COL25A1: variants seen among roughly 807,000 people sequenced by gnomAD.
The protein encoded by COL25A1 is collagen type XXV alpha 1 chain.
Under a neutral mutation model 128.4 loss-of-function variants are expected in COL25A1, and 103 were observed. The ratio of observed to expected loss-of-function variants is 0.80; its 90% CI spans 0.68 to 0.94. COL25A1 has a LOEUF of 0.94. Ranked by LOEUF, COL25A1 falls within the 40% of genes least tolerant of loss-of-function variation. The pLI is 0.00. For missense variants in COL25A1, 745 were observed against 840.0 expected, an observed-to-expected ratio of 0.89 and a Z score of 1.40; for synonymous variants, 279 against 277.2, an observed-to-expected ratio of 1.01 and a Z score of -0.06.
At chr4:108,890,461 G>A (rs1436754359) in intron 16 of COL25A1, among the ~76,000 whole-genome samples, 1 of 152,174 alleles carries the variant, frequency 6.6e-6, no homozygotes, top group African/African-American at 2.4e-5. Flanking sequence ...ATTTCACAGA[G>A]GGTGAATACT....
intron 3 of COL25A1, among the ~76,000 whole-genome samples, chr4:109,116,714 T>C (rs1056614290): frequency 6.6e-6 from 1 of 151,996 alleles, no homozygotes; most frequent in African/African-American, 2.4e-5. Flanking sequence ...CAAACCAGGA[T>C]TTTTTAAACT....
intron 6 of COL25A1, among the ~76,000 whole-genome samples, chr4:109,003,931 C>G (rs555365382): frequency 1.4e-4 from 22 of 152,092 alleles, no homozygotes; most frequent in Non-Finnish European, 2.9e-4. Flanking sequence ...ACATTATTTA[C>G]TTTATTCCCT....
chr4:108,940,937 C>T (rs900444863), intron 9 of COL25A1, among the ~76,000 whole-genome samples: 3 of 152,160 alleles, frequency 2.0e-5, no homozygotes, highest in Non-Finnish European at 4.4e-5. Context: ...TGGTATAAAA[C>T]GTGTGCATTA....
intron 32 of COL25A1, among the ~76,000 whole-genome samples, chr4:108,831,259 T>C (rs952154309): frequency 6.6e-6 from 1 of 152,252 alleles, no homozygotes; most frequent in East Asian, 1.9e-4. Flanking sequence ...TATTATTCAA[T>C]GTACTGAAGC....
At chr4:109,220,108 CAATT>C (rs747248367) in intron 3 of COL25A1, among the ~76,000 whole-genome samples, 7 of 152,130 alleles carry the variant, frequency 4.6e-5, no homozygotes, top group East Asian at 1.9e-4. Flanking sequence ...AGTTCTCAAT[CAATT>C]GAGTCTTTGT....
chr4:109,218,364 T>TTTTG (rs1288984507), intron 3 of COL25A1, among the ~76,000 whole-genome samples: 4 of 130,152 alleles, frequency 3.1e-5, no homozygotes, highest in South Asian at 2.4e-4. Context: ...GGGGTTTTTT[T>TTTTG]TTTTTTTTTT....
chr4:108,899,279 T>C, intron 14 of COL25A1, 99 bp from the exon 15 acceptor site: 1 of 1,081,530 alleles, frequency 9.2e-7, no homozygotes, highest in Non-Finnish European at 1.4e-6. Flanking sequence ...CTAGGTAAAT[T>C]ATGCATGACA....
chr4:108,898,169 G>A (rs1333665825), intron 15 of COL25A1, among the ~76,000 whole-genome samples: 1 of 152,132 alleles, frequency 6.6e-6, no homozygotes, highest in Non-Finnish European at 1.5e-5. Flanking sequence ...TCTTAGTAGG[G>A]AAACTGGCTC....
intron 6 of COL25A1, among the ~76,000 whole-genome samples, chr4:109,010,055 T>C (rs1320851168): frequency 6.6e-6 from 1 of 152,162 alleles, no homozygotes; most frequent in Non-Finnish European, 1.5e-5. Context: ...AACCAGTTCA[T>C]ACTCGACTTT....
chr4:108,846,757 C>T (rs1735158087), intron 27 of COL25A1, among the ~76,000 whole-genome samples: 1 of 152,070 alleles, frequency 6.6e-6, no homozygotes, highest in South Asian at 2.1e-4. Context: ...TCAATCAATG[C>T]TTAAAAGTAT....
chr4:109,228,681 C>T (rs1255579427), intron 3 of COL25A1, among the ~76,000 whole-genome samples: 1 of 152,130 alleles, frequency 6.6e-6, no homozygotes, highest in African/African-American at 2.4e-5. Flanking sequence ...GCCATCAGAG[C>T]AGGCAAAAAT....
intron 3 of COL25A1, among the ~76,000 whole-genome samples, chr4:109,111,215 C>A (rs1033745035): frequency 1.3e-5 from 2 of 152,166 alleles, no homozygotes; most frequent in African/African-American, 2.4e-5. Context: ...TCTTCCATTT[C>A]TCTGTATCCA....
intron 14 of COL25A1, among the ~76,000 whole-genome samples, chr4:108,900,164 A>G (rs745555608): frequency 6.6e-6 from 1 of 152,108 alleles, no homozygotes; most frequent in Non-Finnish European, 1.5e-5. Flanking sequence ...ACTGCTCAAC[A>G]CCCATCCTGA....
At chr4:108,946,318 C>T (rs938536700) in intron 8 of COL25A1, among the ~76,000 whole-genome samples, 7 of 152,094 alleles carry the variant, frequency 4.6e-5, no homozygotes, top group Admixed American at 3.3e-4. Context: ...TTTATTGTTA[C>T]GCAGTAATAA....
chr4:108,867,020 G>T (rs985492508), intron 20 of COL25A1, among the ~76,000 whole-genome samples: 1 of 152,150 alleles, frequency 6.6e-6, no homozygotes, highest in Admixed American at 6.5e-5. Context: ...TGTTATATGA[G>T]TACCTGGTCT....
intron 5 of COL25A1, among the ~76,000 whole-genome samples, chr4:109,038,426 G>A (rs536861736): frequency 9.9e-5 from 15 of 152,220 alleles, no homozygotes; most frequent in African/African-American, 3.6e-4. Context: ...TCCCACAACC[G>A]CATGACCAAT....
chr4:108,840,976 T>C (rs1042033216), intron 31 of COL25A1, among the ~76,000 whole-genome samples: 1 of 152,198 alleles, frequency 6.6e-6, no homozygotes, highest in African/African-American at 2.4e-5. Context: ...AGATTGAGAT[T>C]AGAACATAAG....
intron 3 of COL25A1, among the ~76,000 whole-genome samples, chr4:109,096,777 C>T (rs868829753): frequency 2.0e-5 from 3 of 152,174 alleles, no homozygotes; most frequent in East Asian, 1.9e-4. Context: ...TGTCATAGAA[C>T]GGCACTCAGC....
intron 3 of COL25A1, among the ~76,000 whole-genome samples, chr4:109,174,939 A>G (rs559361406): frequency 1.1e-4 from 16 of 152,320 alleles, no homozygotes; most frequent in African/African-American, 3.6e-4. Context: ...CAGCAGTGGT[A>G]GTAGATTCTC....
Sources: allele counts gnomAD v4.1 joint callset (sites outside exome capture counted in the v4.1 genomes callset), GRCh38; gene constraint gnomAD v4.1.1; transcripts MANE v1.5; gene names NCBI Gene and HGNC (gene_info 2026-07-23, HGNC 2026-07-21).